Variants in ABTB2 observed in about 807,000 individuals in gnomAD.
ABTB2 encodes ankyrin repeat and BTB domain containing 2, also known as ankyrin repeat and BTB/POZ domain-containing protein 2.
A neutral mutation model predicts 104.1 loss-of-function variants in ABTB2; 56 were observed. The ratio of observed to expected loss-of-function variants is 0.54; its 90% CI spans 0.43 to 0.67. The LOEUF (loss-of-function observed/expected upper bound fraction) is 0.67, where lower values mean the gene tolerates loss of function less well. Ranked by LOEUF, ABTB2 falls within the 30% of genes least tolerant of loss-of-function variation. The pLI, the probability that ABTB2 is intolerant of heterozygous loss-of-function variation, is 0.00. For synonymous variants in ABTB2, 606 were observed against 608.2 expected (o/e 1.00, Z 0.05); for missense variants, 1,279 against 1,407.7 (o/e 0.91, Z 1.46).
At position 34,338,563 on chromosome 11, in the gene ABTB2, G is replaced by A. The variant is rs192520905; in HGVS notation, c.883+18138C>T. 2.7e-3 allele frequency among the ~76,000 whole-genome samples: 403 copies of A among 151,034 alleles called. 5 individuals are homozygous for A. Among genetic ancestry groups the A allele is most frequent in the African/African-American group, 8.9e-3 (363 of 40,874 alleles). On this transcript the variant is annotated intron_variant, in intron 1 of 16. Transcript: ENST00000435224. ...AGTACAAAAAAAAAAAAAATTAGCC[G>A]GGCGTGGTGGGGTGCACCTGCAGTC...
At chr11:34,346,504 A>G (rs1449446799) in intron 1 of ABTB2, among the ~76,000 whole-genome samples, 1 of 152,172 alleles carries the variant, frequency 6.6e-6, no homozygotes, top group African/African-American at 2.4e-5. Flanking sequence ...ATCACAATTA[A>G]TCTTAATATT....
At chr11:34,349,519 G>A (rs891389424) in intron 1 of ABTB2, among the ~76,000 whole-genome samples, 5 of 152,052 alleles carry the variant, frequency 3.3e-5, no homozygotes, top group Non-Finnish European at 5.9e-5. Flanking sequence ...CAGAGACTTT[G>A]GCAAAAATGA....
chr11:34,356,591 C>T lies in ABTB2; in HGVS notation c.883+110G>A. 2 of 1,388,264 alleles carry T rather than the reference C, an allele frequency of 1.4e-6. No individual in the cohort carries two copies. The highest frequency in any genetic ancestry group is 1.9e-6 in the Non-Finnish European group (2 of 1,042,404). 86.0% of individuals were successfully genotyped at this position (1,388,264 alleles called of 1,614,324 possible). ...TATCCTCAGACCAAACGTTTTCTCC[C>T]AAAGAACTGGCACAGCCACCAGCTT... On this transcript the variant is annotated intron_variant, in intron 1 of 16. Transcript: ENST00000435224. This position sits in a 1 kb window ranked among gnomAD's most constrained non-coding sequence, Gnocchi z 4.6.
chr11:34,154,380 T>C lies in ABTB2; in HGVS notation c.2767-2A>G. The C allele has an allele frequency of 6.2e-7, 1 of 1,609,184 alleles. No homozygotes were observed. The highest frequency in any genetic ancestry group is 1.1e-5 in the South Asian group (1 of 90,670). On this transcript the variant is annotated splice_acceptor_variant, in intron 15 of 16. Transcript: ENST00000435224. LOFTEE classifies it high-confidence loss of function. The surrounding 1 kb of genome is among the most constrained non-coding windows in gnomAD (Gnocchi z 4.9). ...GAACAGGCTGGCAGCTGACAGCAGC[T>C]GGTAGGGAGGCAGAGCAGGTCTTGG...
chr11:34,193,165 C>T (rs751827995), intron 3 of ABTB2, among the ~76,000 whole-genome samples: 1 of 152,246 alleles, frequency 6.6e-6, no homozygotes, highest in South Asian at 2.1e-4. Context: ...CCCTGGGCAA[C>T]CTGGATCCCT....
chr11:34,252,975 G>A lies in ABTB2; in HGVS notation c.884-48285C>T, dbSNP rs747875290. On this transcript the variant is annotated intron_variant, in intron 1 of 16. Transcript: ENST00000435224. The surrounding 1 kb of genome is among the most constrained non-coding windows in gnomAD (Gnocchi z 5.5). ...AGCTGCCCTTGGTGGAGAAACCTAC[G>A]TGTGCTAGCCCCTAGGTCCCCTCTT... Among the ~76,000 whole-genome samples, 38 of 152,104 alleles carry A rather than the reference G, an allele frequency of 2.5e-4. No homozygotes were observed. Among genetic ancestry groups the A allele is most frequent in the Non-Finnish European group, 4.4e-4 (30 of 68,006 alleles).
At chr11:34,238,396 T>C (rs1178521696) in intron 1 of ABTB2, among the ~76,000 whole-genome samples, 2 of 152,264 alleles carry the variant, frequency 1.3e-5, no homozygotes, top group Non-Finnish European at 2.9e-5. Flanking sequence ...TTATTGCCTG[T>C]CTTCCCAAAT....
chr11:34,229,264 C>A (rs80207182), intron 1 of ABTB2, among the ~76,000 whole-genome samples: 44,905 of 151,384 alleles, frequency 0.3, 7,094 homozygotes, highest in Non-Finnish European at 0.36. Flanking sequence ...GGGCGGATCA[C>A]AAAGTCAGGA....
chr11:34,161,690 GGCTGT>G (rs1178649331), intron 10 of ABTB2, among the ~76,000 whole-genome samples: 1 of 152,160 alleles, frequency 6.6e-6, no homozygotes, highest in Non-Finnish European at 1.5e-5. Flanking sequence ...GTGTCAGTGG[GGCTGT>G]AACTTAACAT....
intron 3 of ABTB2, among the ~76,000 whole-genome samples, chr11:34,191,911 T>C (rs1306830230): frequency 6.6e-6 from 1 of 152,208 alleles, no homozygotes; most frequent in Non-Finnish European, 1.5e-5. Context: ...ACTTGGACTC[T>C]GTATATGCTG....
chr11:34,357,837 G>A lies in ABTB2; in HGVS notation c.-254C>T, dbSNP rs982357521. Reference sequence around the variant, plus strand: ...GGAAAGAACCCCGTCGCTACCCCCCGGCACTCCCCCTTGTCCACCTCTAAT... The same window carrying A: ...GGAAAGAACCCCGTCGCTACCCCCCAGCACTCCCCCTTGTCCACCTCTAAT... On this transcript the variant is annotated 5_prime_UTR_variant, in exon 1 of 17. Transcript: ENST00000435224. 6 of 485,790 alleles carry A rather than the reference G, an allele frequency of 1.2e-5. No individual in the cohort carries two copies. Among genetic ancestry groups the A allele is most frequent in the African/African-American group, 1.2e-4 (6 of 49,968 alleles). 30.1% of individuals were successfully genotyped at this position (485,790 alleles called of 1,614,324 possible).
intron 3 of ABTB2, among the ~76,000 whole-genome samples, chr11:34,193,431 T>C (rs1228634846): frequency 2.0e-5 from 3 of 152,196 alleles, no homozygotes; most frequent in African/African-American, 7.2e-5. Context: ...CCACCCAGCA[T>C]GCCTCAGTGC....
intron 11 of ABTB2, 152 bp from the exon 12 acceptor site, chr11:34,160,505 T>C (rs1026082333): frequency 3.1e-6 from 2 of 652,142 alleles, no homozygotes; most frequent in Admixed American, 2.5e-5. Flanking sequence ...AAGAGATGCC[T>C]GTTCCTTCAT....
intron 1 of ABTB2, among the ~76,000 whole-genome samples, chr11:34,308,881 A>AG (rs1224372184): frequency 1.4e-5 from 2 of 144,560 alleles, no homozygotes; most frequent in Non-Finnish European, 3.0e-5. Flanking sequence ...AAAAAAAAAA[A>AG]AAAAAAGAAA....
At chr11:34,215,154 A>G (rs12224748) in intron 1 of ABTB2, among the ~76,000 whole-genome samples, 28,441 of 152,164 alleles carry the variant, frequency 0.19, 2,780 homozygotes, top group East Asian at 0.26. Flanking sequence ...CAGTGGCCGA[A>G]TCACCACTGG....
chr11:34,284,196 C>G (rs777515300), intron 1 of ABTB2, among the ~76,000 whole-genome samples: 6 of 152,232 alleles, frequency 3.9e-5, no homozygotes, highest in Non-Finnish European at 8.8e-5. Context: ...GGGCTCAGCC[C>G]AGGGATGCTC....
rs573765014 is a variant in ABTB2, at chr11:34,307,519, G to A, written c.883+49182C>T. ...CAATGAGCAGGAAATGAAGGAAAGAGTTTGAGCAGTCAACAGAAACGCCAT... is the reference window on the plus strand; with the variant it reads ...CAATGAGCAGGAAATGAAGGAAAGAATTTGAGCAGTCAACAGAAACGCCAT... On this transcript the variant is annotated intron_variant, in intron 1 of 16. Coordinates refer to ENST00000435224, the MANE Select transcript of ABTB2 (RefSeq NM_145804.3). Among the ~76,000 whole-genome samples the A allele has an allele frequency of 1.2e-4, 19 of 152,330 alleles. No individual in the cohort carries two copies. In the South Asian group the frequency reaches 3.7e-3, roughly 30 times the overall value.
At chr11:34,219,432 C>G (rs1853588488) in intron 1 of ABTB2, among the ~76,000 whole-genome samples, 1 of 152,038 alleles carries the variant, frequency 6.6e-6, no homozygotes, top group Non-Finnish European at 1.5e-5. Context: ...GTGGTCCCAG[C>G]TGTGGGAGGC....
chr11:34,346,365 G>C (rs1446479693), intron 1 of ABTB2, among the ~76,000 whole-genome samples: 1 of 152,124 alleles, frequency 6.6e-6, no homozygotes, highest in Non-Finnish European at 1.5e-5. Flanking sequence ...CTCGGAGCTG[G>C]ATCTCACCAC....
Sources: gnomAD v4.1 joint callset for allele counts (sites outside exome capture counted in the v4.1 genomes callset) on GRCh38, gnomAD v4.1.1 for gene constraint, Gnocchi (gnomAD v3.1) non-coding constraint, MANE v1.5 for transcripts, NCBI Gene and HGNC (gene_info 2026-07-23, HGNC 2026-07-21) for gene names.